Variants in PLCB4 observed in about 807,000 individuals in gnomAD.
The protein encoded by PLCB4 is 1-phosphatidylinositol 4,5-bisphosphate phosphodiesterase beta-4.
PLCB4 carries 77 observed loss-of-function variants against 178.8 expected under a neutral mutation model. The ratio of observed to expected loss-of-function variants is 0.43; its 90% CI spans 0.36 to 0.52. The LOEUF (loss-of-function observed/expected upper bound fraction) is 0.52, where lower values mean the gene tolerates loss of function less well. PLCB4 is among the 20% of genes least tolerant of loss of function. PLCB4 has a pLI of 0.00. For synonymous variants in PLCB4, 496 were observed against 490.8 expected, an observed-to-expected ratio of 1.01 and a Z score of -0.14; for missense variants, 1,024 against 1,453.4, an observed-to-expected ratio of 0.70 and a Z score of 4.80.
At chr20:9,304,794 A>ACCTG (rs1383657495) in intron 3 of PLCB4, among the ~76,000 whole-genome samples, 1 of 141,610 alleles carries the variant, frequency 7.1e-6, no homozygotes, top group Non-Finnish European at 1.6e-5. Context: ...TTGTTGTTAC[A>ACCTG]CCTGTTTTCT....
chr20:9,457,221 T>C (rs1473836471), intron 33 of PLCB4, among the ~76,000 whole-genome samples, 193 bp from the exon 34 acceptor site: 1 of 152,202 alleles, frequency 6.6e-6, no homozygotes, highest in South Asian at 2.1e-4. Flanking sequence ...AGTGGTTGAA[T>C]TGAGTAATCA....
intron 3 of PLCB4, among the ~76,000 whole-genome samples, chr20:9,252,781 G>T (rs924379213): frequency 6.6e-6 from 1 of 152,148 alleles, no homozygotes; most frequent in Admixed American, 6.6e-5. Context: ...GTGTGAATTT[G>T]CTCTCTCTGC....
chr20:9,094,522 A>T (rs1001941918), intron 1 of PLCB4, among the ~76,000 whole-genome samples: 15 of 152,152 alleles, frequency 9.9e-5, no homozygotes, highest in Non-Finnish European at 2.2e-4. Flanking sequence ...ATGAACATTT[A>T]AAAAACTTTT....
At chr20:9,419,528 A>C (rs4813891) in intron 25 of PLCB4, among the ~76,000 whole-genome samples, 6,226 of 152,250 alleles carry the variant, frequency 0.041, 318 homozygotes, top group East Asian at 0.24. Flanking sequence ...TTTGCATTTT[A>C]TTTTATACAT....
rs187492111 is a variant in PLCB4, at chr20:9,153,339, A to G, written c.-79+56997A>G. Among the ~76,000 whole-genome samples the G allele has an allele frequency of 2.6e-3, 389 of 152,246 alleles. 1 individual carries two copies. The highest frequency in any genetic ancestry group is 8.7e-3 in the African/African-American group (363 of 41,548). Reference sequence around the variant, plus strand: ...ACTCAACTTGAATTGTGTCTCCCAGAATTCCCATGTCTTGTGGGAGTGTCC... The same window carrying G: ...ACTCAACTTGAATTGTGTCTCCCAGGATTCCCATGTCTTGTGGGAGTGTCC... On this transcript the variant is annotated intron_variant, in intron 2 of 39. Transcript: ENST00000378473.
chr20:9,384,037 A>G (rs898598182), intron 13 of PLCB4, among the ~76,000 whole-genome samples, 164 bp from the exon 14 acceptor site: 4 of 152,178 alleles, frequency 2.6e-5, no homozygotes, highest in Admixed American at 2.6e-4. Context: ...ATAATGTGCA[A>G]CTCTCTTATT....
At chr20:9,140,617 T>C (rs955025961) in intron 2 of PLCB4, among the ~76,000 whole-genome samples, 2 of 151,768 alleles carry the variant, frequency 1.3e-5, no homozygotes, top group Non-Finnish European at 2.9e-5. Context: ...CCCGTAGTAA[T>C]GAGTGAGTTC....
At chr20:9,234,860 G>T (rs2093975837) in intron 3 of PLCB4, among the ~76,000 whole-genome samples, 1 of 152,134 alleles carries the variant, frequency 6.6e-6, no homozygotes, top group Non-Finnish European at 1.5e-5. Flanking sequence ...CCAAAGAAGG[G>T]TTACTGGACA....
At chr20:9,302,185 G>C (rs2094713105) in intron 3 of PLCB4, among the ~76,000 whole-genome samples, 4 of 151,222 alleles carry the variant, frequency 2.6e-5, no homozygotes, top group Admixed American at 2.6e-4. Context: ...TTTTTTTCAA[G>C]CCAGTTAGTT....
Position 9,444,323 on chromosome 20 carries a change from A to G in PLCB4, c.2880+80A>G, listed in dbSNP as rs140214740. ...CCAAAAACACTACTTTGAAGCTGAT[A>G]CCAGACCACTTAACAGTAATAACTC... On this transcript the variant is annotated intron_variant, in intron 32 of 39. Coordinates refer to ENST00000378473, the MANE Select transcript of PLCB4 (RefSeq NM_001377142.1). 1.2e-4 allele frequency: 97 copies of G among 813,636 alleles called. 1 individual carries two copies. In the African/African-American group the frequency reaches 1.4e-3, roughly 12 times the overall value. The allele number at this position is 813,636 out of a possible 1,614,324, so 50.4% of individuals were successfully genotyped here.
At chr20:9,215,366 CT>C (rs1304556761) in intron 2 of PLCB4, among the ~76,000 whole-genome samples, 3 of 152,094 alleles carry the variant, frequency 2.0e-5, no homozygotes, top group African/African-American at 7.2e-5. Context: ...GCGAGGGTGC[CT>C]GGGTTTGAAT....
At chr20:9,150,125 T>G (rs1288032580) in intron 2 of PLCB4, among the ~76,000 whole-genome samples, 1 of 152,190 alleles carries the variant, frequency 6.6e-6, no homozygotes, top group Non-Finnish European at 1.5e-5. Context: ...GGGCGTCACA[T>G]CACAGTGTCC....
At chr20:9,292,289 A>G (rs1472018141) in intron 3 of PLCB4, among the ~76,000 whole-genome samples, 1 of 152,220 alleles carries the variant, frequency 6.6e-6, no homozygotes, top group Non-Finnish European at 1.5e-5. Context: ...CCCTCTTGAC[A>G]TATATGATTC....
intron 3 of PLCB4, among the ~76,000 whole-genome samples, chr20:9,247,110 T>C (rs1206449685): frequency 6.6e-6 from 1 of 152,226 alleles, no homozygotes. Flanking sequence ...AAGATATCTG[T>C]GTTTTTTATT....
intron 35 of PLCB4, among the ~76,000 whole-genome samples, chr20:9,465,772 A>G (rs989385028): frequency 1.3e-5 from 2 of 152,230 alleles, no homozygotes; most frequent in African/African-American, 4.8e-5. Flanking sequence ...CCACTGCTCA[A>G]TGAAATAAAA....
chr20:9,235,459 T>C (rs2093983087), intron 3 of PLCB4, among the ~76,000 whole-genome samples: 1 of 152,212 alleles, frequency 6.6e-6, no homozygotes, highest in Non-Finnish European at 1.5e-5. Flanking sequence ...CCTTTGACTG[T>C]AGTTGATGTA....
chr20:9,233,216 A>G (rs1229179110), intron 3 of PLCB4, among the ~76,000 whole-genome samples: 1 of 152,160 alleles, frequency 6.6e-6, no homozygotes, highest in African/African-American at 2.4e-5. Flanking sequence ...GATAATGATA[A>G]TGACCTAAAA....
At chr20:9,192,963 T>C (rs1033956106) in intron 2 of PLCB4, among the ~76,000 whole-genome samples, 1 of 152,176 alleles carries the variant, frequency 6.6e-6, no homozygotes, top group African/African-American at 2.4e-5. Flanking sequence ...GAATCTATGT[T>C]CTAGTTGGAA....
chr20:9,202,225 G>C (rs2093555902), intron 2 of PLCB4, among the ~76,000 whole-genome samples: 1 of 151,990 alleles, frequency 6.6e-6, no homozygotes, highest in Non-Finnish European at 1.5e-5. Flanking sequence ...GGAGTGGGAA[G>C]AGAGACTGAC....
Sources: allele counts gnomAD v4.1 joint callset (sites outside exome capture counted in the v4.1 genomes callset), GRCh38; gene constraint gnomAD v4.1.1; transcripts MANE v1.5; gene names NCBI Gene and HGNC (gene_info 2026-07-23, HGNC 2026-07-21).